Variants in CST3 observed in about 807,000 individuals in gnomAD.
The protein encoded by CST3 is cystatin C, also known as cystatin-C.
CST3 carries 14 observed loss-of-function variants against 9.0 expected under a neutral mutation model. The ratio of observed to expected loss-of-function variants is 1.56; its 90% CI spans 1.03 to 2.44. The LOEUF (loss-of-function observed/expected upper bound fraction) is 2.44. CST3 is among the 30% of genes most tolerant of loss of function. The probability of loss-of-function intolerance (pLI) is 0.00; values close to 1 mark genes in which losing one functional copy is unlikely to be tolerated. For synonymous variants in CST3, 96 were observed against 90.2 expected, an observed-to-expected ratio of 1.06 and a Z score of -0.37; for missense variants, 237 against 204.3, an observed-to-expected ratio of 1.16 and a Z score of -0.98.
rs1262480101 is a variant in CST3 at position 23,637,783 on chromosome 20, G to A, written c.80C>T (p.Ser27Phe). 1.3e-6 allele frequency: 2 copies of A among 1,527,084 alleles called. No homozygotes were observed. Among genetic ancestry groups the A allele is most frequent in the Non-Finnish European group, 1.8e-6 (2 of 1,138,264 alleles). The allele number at this position is 1,527,084 out of a possible 1,614,324, so 94.6% of individuals were successfully genotyped here. The stretch of plus-strand genomic sequence containing the variant: ...TAGGCGCGGCGGCTTGCCGGGACTG[G>A]AGCCGGCCGCGGGGCTCACGGCCAG... Reference protein sequence around the residue: ...VALAVSPAAGSSPGKPPRLVG... With the variant: ...VALAVSPAAGFSPGKPPRLVG... Residue 27 changes from serine (S) to phenylalanine (F), a missense_variant, in exon 1 of 3, where the codon TCC becomes TTC. Coordinates refer to ENST00000376925, the MANE Select transcript of CST3 (RefSeq NM_000099.4).
At chr20:23,631,642 G>A (rs117793207), downstream of CST3, among the ~76,000 whole-genome samples, 10 of 152,284 alleles carry the variant, frequency 6.6e-5, no homozygotes, top group East Asian at 1.9e-3. Context: ...CAGCCTGACC[G>A]TCCTGGGGAG....
At position 23,637,908 on chromosome 20, in the gene CST3, G is replaced by A. The variant is rs537755579; in HGVS notation, c.-46C>T. On this transcript the variant is annotated 5_prime_UTR_variant, in exon 1 of 3. Transcript: ENST00000376925. ...GCGGGGAGTGGGGCGCAGGCGAGAG[G>A]CTGGAGCTAGATAGAGAGGACCCGC... The A allele has an allele frequency of 3.6e-6, 5 of 1,374,694 alleles. No individual in the cohort carries two copies. In the East Asian group the frequency reaches 9.8e-5, roughly 27 times the overall value. 85.2% of individuals were successfully genotyped at this position (1,374,694 alleles called of 1,614,324 possible).
chr20:23,632,327 A>C (rs995298650), downstream of CST3: 2 of 152,154 alleles, frequency 1.3e-5, no homozygotes, highest in Non-Finnish European at 2.9e-5. Context: ...GAGGTAGAAA[A>C]CCAGGAGCAC....
Position 23,637,619 on chromosome 20 carries a change from C to T in CST3, c.243+1G>A, listed in dbSNP as rs878905836. On this transcript the variant is annotated splice_donor_variant, in intron 1 of 2. Transcript: ENST00000376925. LOFTEE classifies it high-confidence loss of function. ...CGGACCCTGCGGGGGGCGGCACGCA[C>T]CTGCTTGCGGGCGCGCACCACCTGC... 3 of 1,517,920 alleles carry T rather than the reference C, an allele frequency of 2.0e-6. No homozygotes were observed. The highest frequency in any genetic ancestry group is 1.8e-6 in the Non-Finnish European group (2 of 1,133,630). 94.0% of individuals were successfully genotyped at this position (1,517,920 alleles called of 1,614,324 possible).
chr20:23,635,838 T>C (rs1979651772), intron 1 of CST3, among the ~76,000 whole-genome samples: 1 of 152,202 alleles, frequency 6.6e-6, no homozygotes, highest in Non-Finnish European at 1.5e-5. Context: ...GTGCTTCCAT[T>C]CCAGGTGTGA....
At chr20:23,631,194 T>C (rs375403730), downstream of CST3, among the ~76,000 whole-genome samples, 1 of 152,060 alleles carries the variant, frequency 6.6e-6, no homozygotes, top group Non-Finnish European at 1.5e-5. Context: ...ATTAAAAAAA[T>C]GGAAAAGAAC....
downstream of CST3, among the ~76,000 whole-genome samples, chr20:23,630,395 G>A (rs1411871579): frequency 6.6e-6 from 1 of 152,214 alleles, no homozygotes; most frequent in East Asian, 1.9e-4. Context: ...GACCCACTTG[G>A]CATCCCAGCA....
downstream of CST3, among the ~76,000 whole-genome samples, chr20:23,630,248 A>G (rs910110094): frequency 4.6e-5 from 7 of 152,156 alleles, no homozygotes; most frequent in Non-Finnish European, 1.0e-4. Context: ...CAGTGACGCC[A>G]TGTACAGCCA....
exon 4 of CST3, chr20:23,628,260 G>A (rs948414265): frequency 2.7e-4 from 41 of 152,134 alleles, no homozygotes; most frequent in African/African-American, 8.2e-4. Context: ...TCAATCCCAG[G>A]GGCACAGCTA....
rs73318135 is a variant in CST3 at position 23,637,934 on chromosome 20, T to A, written c.-72A>T. 34 of 1,270,608 alleles carry A rather than the reference T, an allele frequency of 2.7e-5. No individual in the cohort carries two copies. The highest frequency in any genetic ancestry group is 4.1e-5 in the South Asian group (2 of 49,166). The allele number at this position is 1,270,608 out of a possible 1,614,324, so 78.7% of individuals were successfully genotyped here. On this transcript the variant is annotated 5_prime_UTR_variant, in exon 1 of 3. Transcript: ENST00000376925. Reference sequence around the variant, plus strand: ...CTGGAGCTAGATAGAGAGGACCCGCTGCGATACCGAGGCGAGGCCGTGAGC... The same window carrying A: ...CTGGAGCTAGATAGAGAGGACCCGCAGCGATACCGAGGCGAGGCCGTGAGC...
chr20:23,631,382 A>G (rs1311113123), downstream of CST3, among the ~76,000 whole-genome samples: 1 of 152,132 alleles, frequency 6.6e-6, no homozygotes, highest in Non-Finnish European at 1.5e-5. Context: ...TTTACTGTAA[A>G]TCCAGCCCTT....
At position 23,637,946 on chromosome 20, in the gene CST3, G is replaced by T. The variant is rs1979770107; in HGVS notation, c.-84C>A. 2 of 1,310,284 alleles carry T rather than the reference G, an allele frequency of 1.5e-6. No individual in the cohort carries two copies. The highest frequency in any genetic ancestry group is 4.2e-5 in the Admixed American group (1 of 24,064). The allele number at this position is 1,310,284 out of a possible 1,614,324, so 81.2% of individuals were successfully genotyped here. ...AGAGAGGACCCGCTGCGATACCGAG[G>T]CGAGGCCGTGAGCCCCGCGAGGCCG... On this transcript the variant is annotated 5_prime_UTR_variant, in exon 1 of 3. Transcript: ENST00000376925.
At chr20:23,632,314 AC>A (rs1445949029), downstream of CST3, 2 of 152,150 alleles carry the variant, frequency 1.3e-5, no homozygotes, top group Admixed American at 1.3e-4. Context: ...AAGATCCTTC[AC>A]CGAGGTAGAA....
chr20:23,636,163 G>T (rs1979666981), intron 1 of CST3, among the ~76,000 whole-genome samples: 1 of 152,164 alleles, frequency 6.6e-6, no homozygotes, highest in Non-Finnish European at 1.5e-5. Flanking sequence ...GAGAGGTGCA[G>T]GCCAGCGGGG....
In CST3 at chr20:23,633,864, G is replaced by T. The variant is rs11542362; in HGVS notation, c.*52C>A. 1 of 1,457,706 alleles carries T rather than the reference G, an allele frequency of 6.9e-7. No homozygotes were observed. Among genetic ancestry groups the T allele is most frequent in the Non-Finnish European group, 9.6e-7 (1 of 1,038,256 alleles). The allele number at this position is 1,457,706 out of a possible 1,614,324, so 90.3% of individuals were successfully genotyped here. A position where few individuals can be genotyped will look rare whatever the true frequency, so the allele number is the denominator to read the frequency against. Reference sequence around the variant, plus strand: ...CAGTCCAGGGGTGGGAATACAGGGGGTGGGAGGTGTGCATAAGAGGTGATA... The same window carrying T: ...CAGTCCAGGGGTGGGAATACAGGGGTTGGGAGGTGTGCATAAGAGGTGATA... On this transcript the variant is annotated 3_prime_UTR_variant, in exon 3 of 3. Transcript: ENST00000376925.
chr20:23,630,766 C>T (rs550418572), downstream of CST3, among the ~76,000 whole-genome samples: 18 of 138,808 alleles, frequency 1.3e-4, no homozygotes, highest in Middle Eastern at 0.011. Context: ...ACCACCAAGG[C>T]AGAGTTAAAA....
chr20:23,631,027 C>T (rs946522666), downstream of CST3, among the ~76,000 whole-genome samples: 5 of 151,546 alleles, frequency 3.3e-5, no homozygotes, highest in Non-Finnish European at 7.4e-5. Context: ...AATTTTTTTT[C>T]CTAAAAAAAC....
intron 1 of CST3, among the ~76,000 whole-genome samples, chr20:23,635,968 T>C (rs1357516135): frequency 1.3e-5 from 2 of 152,142 alleles, no homozygotes; most frequent in Non-Finnish European, 2.9e-5. Context: ...TTGTCAGAAC[T>C]GTGGAGAAGC....
downstream of CST3, among the ~76,000 whole-genome samples, chr20:23,633,434 G>A (rs1979525039): frequency 6.6e-6 from 1 of 152,144 alleles, no homozygotes; most frequent in Non-Finnish European, 1.5e-5. Context: ...CCTCACCAGG[G>A]GCTGCTGTGG....
Sources: allele counts gnomAD v4.1 joint callset (sites outside exome capture counted in the v4.1 genomes callset), GRCh38; gene constraint gnomAD v4.1.1; transcripts MANE v1.5; gene names NCBI Gene and HGNC (gene_info 2026-07-23, HGNC 2026-07-21).